Variants in SLC5A12 observed in about 807,000 individuals in gnomAD.
SLC5A12 encodes solute carrier family 5 member 12, also known as sodium-coupled monocarboxylate transporter 2.
Under a neutral mutation model 72.7 loss-of-function variants are expected in SLC5A12, and 46 were observed. The observed-to-expected ratio is 0.63, with a 90% CI of 0.50 to 0.81. SLC5A12 has a LOEUF of 0.81. SLC5A12 is among the 30% of genes least tolerant of loss of function. The pLI, the probability that SLC5A12 is intolerant of heterozygous loss-of-function variation, is 0.00. For synonymous variants in SLC5A12, 275 were observed against 264.4 expected (o/e 1.04, Z -0.39); for missense variants, 683 against 740.7 (o/e 0.92, Z 0.90).
Position 26,703,664 on chromosome 11 carries a change from C to T in SLC5A12, c.688G>A (p.Val230Ile), listed in dbSNP as rs749477611. 3.1e-6 allele frequency: 5 copies of T among 1,613,744 alleles called. No homozygotes were observed. The highest frequency in any genetic ancestry group is 4.2e-6 in the Non-Finnish European group (5 of 1,179,874). Residue 230 changes from valine to isoleucine, a missense_variant, in exon 6 of 15, where the codon GTA (valine) becomes ATA (isoleucine). Physicochemically the swap from Val to Ile is conservative, Grantham distance 29 (BLOSUM62 3). Coordinates refer to ENST00000396005, the MANE Select transcript of SLC5A12 (RefSeq NM_178498.4). ...AAAGTGTGTCGCCTGAGAGGATCTA[C>T]ATCAAAGCTATGAGACAGAGAGAAA... ...GSRLHIFDFD[V>I]DPLRRHTFWT...
chr11:26,696,035 A>G (rs1565193694), intron 8 of SLC5A12, among the ~76,000 whole-genome samples: 2 of 152,152 alleles, frequency 1.3e-5, no homozygotes. Context: ...ATATTCAGAA[A>G]GGAGTTCCTT....
chr11:26,707,315 T>C (rs1408523968), intron 4 of SLC5A12, among the ~76,000 whole-genome samples: 3 of 152,042 alleles, frequency 2.0e-5, no homozygotes, highest in Non-Finnish European at 4.4e-5. Flanking sequence ...TCTTTCTGCT[T>C]TAAGGTTACA....
rs35442352 is a variant in SLC5A12 at position 26,680,769 on chromosome 11, T to C, written c.1475+286A>G. On this transcript the variant is annotated intron_variant, in intron 12 of 14. Coordinates refer to ENST00000396005, the MANE Select transcript of SLC5A12 (RefSeq NM_178498.4). ...TTCTTTGAGGAAACCATGTTCCTCA[T>C]ACCCAGTCACCTGTCTTTGAACCCT... 0.049 allele frequency among the ~76,000 whole-genome samples: 7,517 copies of C among 152,208 alleles called. 228 individuals carry two copies. Among genetic ancestry groups the C allele is most frequent in the Middle Eastern group, 0.082 (24 of 294 alleles).
chr11:26,712,277 T>G (rs111928144), intron 2 of SLC5A12, among the ~76,000 whole-genome samples: 2 of 151,952 alleles, frequency 1.3e-5, no homozygotes, highest in East Asian at 3.9e-4. Context: ...TCAACTCAGT[T>G]AATGGTTAAA....
At chr11:26,721,332 G>C in intron 1 of SLC5A12, 44 bp downstream of exon 1, 1 of 1,459,298 alleles carries the variant, frequency 6.9e-7, no homozygotes, top group Non-Finnish European at 9.3e-7. Flanking sequence ...ATCATCAAGA[G>C]GATGAGAAAA....
In SLC5A12 at chr11:26,686,498, A is replaced by G. The variant is rs372914518; in HGVS notation, c.1200T>C (p.Ser400=). 2.4e-5 allele frequency: 38 copies of G among 1,614,042 alleles called. 1 individual carries two copies. In the Middle Eastern group the frequency reaches 3.1e-3, roughly 133 times the overall value. ...VMCTSMAVAA[S]VMGGVVQASL... The stretch of plus-strand genomic sequence containing the variant: ...TTACCTGCACAACACCTCCCATGAC[A>G]GATGCAGCCACAGCCATAGAGGTAC... Residue 400 remains serine (S), a synonymous_variant, in exon 10 of 15, where the codon TCT becomes TCC. Coordinates refer to ENST00000396005, the MANE Select transcript of SLC5A12 (RefSeq NM_178498.4).
At position 26,721,604 on chromosome 11, in the gene SLC5A12, A is replaced by C; in HGVS notation, c.111T>G (p.Thr37=). The C allele has an allele frequency of 6.2e-7, 1 of 1,614,182 alleles. No homozygotes were observed. Among genetic ancestry groups the C allele is most frequent in the Non-Finnish European group, 8.5e-7 (1 of 1,180,028 alleles). Residue 37 remains threonine (T), a synonymous_variant, in exon 1 of 15, where the codon ACT becomes ACG. Transcript: ENST00000396005. ...TTCCCCCAACCAGGAACTCTCGGGA[A>C]GTTGCCTTTTTTCTCTCCTTAATGG... The part of the protein sequence containing the change: ...FFAIKERKKA[T]SREFLVGGRQ...
At chr11:26,691,417 G>A (rs573085708) in intron 9 of SLC5A12, among the ~76,000 whole-genome samples, 6 of 151,316 alleles carry the variant, frequency 4.0e-5, no homozygotes, top group East Asian at 1.9e-4. Context: ...TTAGAAGTTC[G>A]TGTTAAGGAA....
intron 9 of SLC5A12, among the ~76,000 whole-genome samples, chr11:26,690,589 T>C (rs1418164073): frequency 6.8e-6 from 1 of 147,296 alleles, no homozygotes; most frequent in Non-Finnish European, 1.5e-5. Flanking sequence ...GGCCGGGGGA[T>C]CACCTGAGGT....
chr11:26,711,389 T>C (rs754648973), intron 2 of SLC5A12, 31 bp from the exon 3 acceptor site: 20 of 1,579,448 alleles, frequency 1.3e-5, no homozygotes, highest in South Asian at 5.6e-5. Flanking sequence ...AGATTGGCAG[T>C]GAGAAAGGGA....
intron 12 of SLC5A12, among the ~76,000 whole-genome samples, chr11:26,680,405 ATATAT>A (rs1854382222): frequency 1.2e-5 from 1 of 85,540 alleles, no homozygotes; most frequent in Admixed American, 1.3e-4. Flanking sequence ...ATATATATAT[ATATAT>A]TTCCTCATTT....
chr11:26,673,643 C>G (rs1214743381), intron 13 of SLC5A12, 114 bp from the exon 14 acceptor site: 2 of 1,343,306 alleles, frequency 1.5e-6, no homozygotes, highest in East Asian at 5.1e-5. Flanking sequence ...AGAGTGAAAA[C>G]AAGATTGAGT....
chr11:26,709,366 A>T lies in SLC5A12; in HGVS notation c.471T>A (p.Asp157Glu). 1 of 1,610,934 alleles carries T rather than the reference A, an allele frequency of 6.2e-7. No homozygotes were observed. Among genetic ancestry groups the T allele is most frequent in the South Asian group, 1.1e-5 (1 of 90,550 alleles). Residue 157 changes from aspartate to glutamate, a missense_variant, in exon 4 of 15, where the codon GAT (aspartate) becomes GAA (glutamate). Physicochemically the swap from Asp to Glu is conservative, Grantham distance 45 (BLOSUM62 2). Coordinates refer to ENST00000396005, the MANE Select transcript of SLC5A12 (RefSeq NM_178498.4). ...ALALNQVTGF[D>E]LWGSVFATGI... ...CTGTTGCAAACACAGAGCCCCAGAG[A>T]TCAAACCCAGTCACTAGGAAAGAAG...
chr11:26,686,560 AT>A lies in SLC5A12; in HGVS notation c.1154-17del, dbSNP rs754221212. The stretch of plus-strand genomic sequence containing the variant: ...AATAAGAGACCTGAAAGAAAGAAAA[AT>A]TACAATCATAATTTCCTGAGGGATT... On this transcript the variant is annotated splice_polypyrimidine_tract_variant and intron_variant, in intron 9 of 14. Coordinates refer to ENST00000396005, the MANE Select transcript of SLC5A12 (RefSeq NM_178498.4). The A allele has an allele frequency of 9.9e-5, 159 of 1,612,372 alleles. 1 individual carries two copies. Among genetic ancestry groups the A allele is most frequent in the Non-Finnish European group, 4.6e-5 (54 of 1,178,636 alleles).
rs1854124199 is a variant in SLC5A12 at position 26,670,911 on chromosome 11, C to G, written c.*191G>C. On this transcript the variant is annotated 3_prime_UTR_variant, in exon 15 of 15. Transcript: ENST00000396005. Reference sequence around the variant, plus strand: ...GGTTTTTCTCTGTGAAAGTTGGAGTCTTTCAAAGAATATCCCGAGAGACAG... The same window carrying G: ...GGTTTTTCTCTGTGAAAGTTGGAGTGTTTCAAAGAATATCCCGAGAGACAG... 2 of 460,220 alleles carry G rather than the reference C, an allele frequency of 4.3e-6. No homozygotes were observed. The highest frequency in any genetic ancestry group is 3.6e-6 in the Non-Finnish European group (1 of 278,426). 28.5% of individuals were successfully genotyped at this position (460,220 alleles called of 1,614,324 possible). A position where few individuals can be genotyped will look rare whatever the true frequency, so the allele number is the denominator to read the frequency against.
chr11:26,673,367 C>A, intron 14 of SLC5A12, 35 bp downstream of exon 14: 1 of 1,499,208 alleles, frequency 6.7e-7, no homozygotes, highest in Non-Finnish European at 8.9e-7. Context: ...CCTTTGAGTC[C>A]ATACACATTT....
chr11:26,699,823 T>C (rs1175707773), intron 6 of SLC5A12, among the ~76,000 whole-genome samples: 4 of 152,210 alleles, frequency 2.6e-5, no homozygotes, highest in Non-Finnish European at 4.4e-5. Context: ...GATCTGAAAT[T>C]CTATATTTAT....
rs1052504315 is a variant in SLC5A12, at chr11:26,721,628, G to A, written c.87C>T (p.Ala29=). 1 of 1,614,084 alleles carries A rather than the reference G, an allele frequency of 6.2e-7. No homozygotes were observed. The change falls in exon 1 of 15, where the codon GCC becomes GCT. Residue 29 remains alanine, a synonymous_variant. Transcript: ENST00000396005. The part of the protein sequence containing the change: ...FISSGIGVFF[A]IKERKKATSR... Reference sequence around the variant, plus strand: ...AAGTTGCCTTTTTTCTCTCCTTAATGGCAAAGAACACCCCAATTCCAGAGG... The same window carrying A: ...AAGTTGCCTTTTTTCTCTCCTTAATAGCAAAGAACACCCCAATTCCAGAGG...
At chr11:26,701,142 A>G (rs1280824129) in intron 6 of SLC5A12, among the ~76,000 whole-genome samples, 2 of 151,592 alleles carry the variant, frequency 1.3e-5, no homozygotes, top group Admixed American at 1.3e-4. Flanking sequence ...GACAGATGGG[A>G]CCCCCCTCAC....
Sources: gnomAD v4.1 joint callset for allele counts (sites outside exome capture counted in the v4.1 genomes callset) on GRCh38, gnomAD v4.1.1 for gene constraint, MANE v1.5 for transcripts, NCBI Gene and HGNC (gene_info 2026-07-23, HGNC 2026-07-21) for gene names.